The following PTPRN2 variants were observed in gnomAD, a reference collection of about 807,000 sequenced individuals.
PTPRN2 encodes protein tyrosine phosphatase receptor type N2, also known as receptor-type tyrosine-protein phosphatase N2.
Under a neutral mutation model 118.8 loss-of-function variants are expected in PTPRN2, and 74 were observed. That is an observed-to-expected ratio of 0.62 (90% CI 0.52 to 0.76). The LOEUF (loss-of-function observed/expected upper bound fraction) is 0.76, where lower values mean the gene tolerates loss of function less well. Among genes scored for constraint, PTPRN2 ranks in the 30% least tolerant of loss-of-function variants. The pLI is 0.00. For missense variants in PTPRN2, 1,481 were observed against 1,394.4 expected (o/e 1.06, Z -0.99); for synonymous variants, 641 against 608.0 (o/e 1.05, Z -0.80).
chr7:157,751,879 A>G (rs572205254), intron 12 of PTPRN2, among the ~76,000 whole-genome samples: 4 of 152,114 alleles, frequency 2.6e-5, no homozygotes, highest in Admixed American at 2.6e-4. Context: ...GGGGAAGGAC[A>G]GAGACCACCG....
At chr7:158,434,859 C>T (rs933263981) in intron 2 of PTPRN2, among the ~76,000 whole-genome samples, 3 of 152,132 alleles carry the variant, frequency 2.0e-5, no homozygotes, top group Non-Finnish European at 2.9e-5. Context: ...GTGCAACACA[C>T]ATCACATCCC....
chr7:158,120,104 G>C (rs1817035577), intron 9 of PTPRN2, among the ~76,000 whole-genome samples: 1 of 152,136 alleles, frequency 6.6e-6, no homozygotes, highest in East Asian at 1.9e-4. Context: ...GGGCATAAAA[G>C]GACAAATTCT....
chr7:157,755,864 G>A (rs76113764), intron 12 of PTPRN2, among the ~76,000 whole-genome samples: 3,826 of 152,170 alleles, frequency 0.025, 118 homozygotes, highest in African/African-American at 0.079. Context: ...ACCTGCACAC[G>A]TACCCCCGAT....
intron 2 of PTPRN2, among the ~76,000 whole-genome samples, chr7:158,475,046 G>A (rs1449128833): frequency 6.6e-6 from 1 of 152,146 alleles, no homozygotes; most frequent in East Asian, 1.9e-4. Context: ...AGGGAGGAAG[G>A]TGATCATAAG....
At chr7:157,918,488 G>A in intron 11 of PTPRN2, among the ~76,000 whole-genome samples, 1 of 152,198 alleles carries the variant, frequency 6.6e-6, no homozygotes. Context: ...ACGCGTGGGA[G>A]CAGGGGAAGT....
At chr7:158,447,057 C>T (rs1194376092) in intron 2 of PTPRN2, among the ~76,000 whole-genome samples, 1 of 152,222 alleles carries the variant, frequency 6.6e-6, no homozygotes, top group African/African-American at 2.4e-5. Flanking sequence ...AGGCCAACAG[C>T]AGCTCCAGGC....
At chr7:158,011,150 C>T (rs1355796494) in intron 11 of PTPRN2, among the ~76,000 whole-genome samples, 1 of 152,204 alleles carries the variant, frequency 6.6e-6, no homozygotes, top group East Asian at 1.9e-4. Context: ...GGTGATTTTA[C>T]CCACACAAAA....
At chr7:158,405,990 G>A (rs1034117259) in intron 2 of PTPRN2, among the ~76,000 whole-genome samples, 3 of 148,462 alleles carry the variant, frequency 2.0e-5, no homozygotes, top group Admixed American at 6.7e-5. Context: ...AGATCCCGCA[G>A]TGGCTCATCC....
At chr7:158,131,184 TCTAC>T (rs1818231063) in intron 9 of PTPRN2, among the ~76,000 whole-genome samples, 1 of 148,116 alleles carries the variant, frequency 6.8e-6, no homozygotes, top group South Asian at 2.2e-4. Flanking sequence ...CCAATACACA[TCTAC>T]CTGACATACA....
chr7:158,174,603 T>C (rs2150630756), intron 5 of PTPRN2, among the ~76,000 whole-genome samples: 1 of 152,308 alleles, frequency 6.6e-6, no homozygotes, highest in South Asian at 2.1e-4. Context: ...TGCCAAGCCC[T>C]GGACTTCTAT....
At chr7:158,077,609 G>A (rs550432212) in intron 11 of PTPRN2, among the ~76,000 whole-genome samples, 8 of 150,826 alleles carry the variant, frequency 5.3e-5, no homozygotes, top group Non-Finnish European at 1.2e-4. Context: ...CCTCCGTGGC[G>A]CCCGAGAGGG....
intron 12 of PTPRN2, among the ~76,000 whole-genome samples, chr7:157,774,028 G>A (rs1266401480): frequency 6.6e-6 from 1 of 152,142 alleles, no homozygotes; most frequent in Non-Finnish European, 1.5e-5. Flanking sequence ...AAAACATAGG[G>A]AAAACAAGAA....
chr7:158,396,005 C>G (rs2151390631), intron 2 of PTPRN2, among the ~76,000 whole-genome samples: 1 of 152,198 alleles, frequency 6.6e-6, no homozygotes, highest in Non-Finnish European at 1.5e-5. Context: ...ACCCATGGGG[C>G]AGAGCTGCTG....
chr7:157,619,856 G>C lies in PTPRN2; in HGVS notation c.2344+1506C>G, dbSNP rs1390071167. ...CTGTGCTGCTGGTACGGGGACAGGCGGTGTCTCAGGGACACCAGTCTGATC... is the reference window on the plus strand; with the variant it reads ...CTGTGCTGCTGGTACGGGGACAGGCCGTGTCTCAGGGACACCAGTCTGATC... On this transcript the variant is annotated intron_variant, in intron 15 of 22. Transcript: ENST00000389418. The surrounding 1 kb of genome is among the most constrained non-coding windows in gnomAD (Gnocchi z 5.3). Among the ~76,000 whole-genome samples, 2 of 152,202 alleles carry C rather than the reference G, an allele frequency of 1.3e-5. No individual in the cohort carries two copies. Among genetic ancestry groups the C allele is most frequent in the African/African-American group, 4.8e-5 (2 of 41,438 alleles).
chr7:158,441,038 AGTAGTGATGGTG>A (rs1190551823), intron 2 of PTPRN2, among the ~76,000 whole-genome samples: 4,228 of 119,174 alleles, frequency 0.035, 109 homozygotes, highest in Middle Eastern at 0.062. Context: ...TGACAGTGGT[AGTAGTGATGGTG>A]GTAGTGATGG....
At chr7:157,972,923 T>G (rs888588014) in intron 11 of PTPRN2, among the ~76,000 whole-genome samples, 41 of 149,920 alleles carry the variant, frequency 2.7e-4, no homozygotes, top group Admixed American at 1.9e-3. Context: ...AGAACAGGGC[T>G]TCAGAGACCA....
At chr7:157,685,255 G>A (rs1332801935) in intron 12 of PTPRN2, among the ~76,000 whole-genome samples, 2 of 151,774 alleles carry the variant, frequency 1.3e-5, no homozygotes, top group Admixed American at 6.6e-5. Flanking sequence ...AGGCGACCCC[G>A]GCCCCGCTGC....
chr7:158,522,140 GA>G (rs1824190863), intron 1 of PTPRN2, among the ~76,000 whole-genome samples: 1 of 84,032 alleles, frequency 1.2e-5, no homozygotes, highest in African/African-American at 5.4e-5. Context: ...GCTGGCTCAG[GA>G]GGGAGGTCCA....
intron 3 of PTPRN2, among the ~76,000 whole-genome samples, chr7:158,301,632 G>A (rs746914703): frequency 6.6e-6 from 1 of 152,158 alleles, no homozygotes; most frequent in Non-Finnish European, 1.5e-5. Flanking sequence ...TTAATGAGTG[G>A]CACCATCTAA....
Sources: allele counts gnomAD v4.1 joint callset (sites outside exome capture counted in the v4.1 genomes callset), GRCh38; gene constraint gnomAD v4.1.1; non-coding constraint Gnocchi (gnomAD v3.1); transcripts MANE v1.5; gene names NCBI Gene and HGNC (gene_info 2026-07-23, HGNC 2026-07-21).